PDLIM3: variants seen among roughly 807,000 people sequenced by gnomAD.
PDLIM3 encodes the protein PDZ and LIM domain protein 3.
PDLIM3 carries 36 observed loss-of-function variants against 37.3 expected under a neutral mutation model. The ratio of observed to expected loss-of-function variants is 0.97; its 90% confidence interval spans 0.74 to 1.28. The LOEUF (loss-of-function observed/expected upper bound fraction) is 1.28, where lower values mean the gene tolerates loss of function less well. PDLIM3 is among the 50% of genes most tolerant of loss of function. The probability of loss-of-function intolerance (pLI) is 0.00; values close to 1 mark genes in which losing one functional copy is unlikely to be tolerated. For synonymous variants in PDLIM3, 174 were observed against 182.4 expected, an observed-to-expected ratio of 0.95 and a Z score of 0.37; for missense variants, 454 against 485.0, an observed-to-expected ratio of 0.94 and a Z score of 0.60.
rs959158371 is a variant in PDLIM3 at position 185,514,835 on chromosome 4, G to C, written c.331-498C>G. Reference sequence around the variant, plus strand: ...CTGTCTTTTGTCATCAATGTTTGCAGCTGCAACAAAAGGCTGGGCCCTTCT... The same window carrying C: ...CTGTCTTTTGTCATCAATGTTTGCACCTGCAACAAAAGGCTGGGCCCTTCT... On this transcript the variant is annotated intron_variant, in intron 3 of 7. Coordinates refer to ENST00000284767, the MANE Select transcript of PDLIM3 (RefSeq NM_014476.6). This position sits in a 1 kb window ranked among gnomAD's most constrained non-coding sequence, Gnocchi z 4.0. 5 of 1,551,592 alleles carry C rather than the reference G, an allele frequency of 3.2e-6. No homozygotes were observed. In the African/African-American group the frequency reaches 5.5e-5, roughly 17 times the overall value.
intron 2 of PDLIM3, 42 bp from the exon 3 acceptor site, chr4:185,523,488 T>TA (rs1215153380): frequency 1.6e-6 from 2 of 1,231,140 alleles, no homozygotes; most frequent in African/African-American, 3.0e-5. Context: ...ATTCTAATGG[T>TA]ACTTTCAGTT....
At chr4:185,505,051 C>G (rs574723114) in intron 6 of PDLIM3, among the ~76,000 whole-genome samples, 45 of 152,260 alleles carry the variant, frequency 3.0e-4, no homozygotes, top group Non-Finnish European at 5.6e-4. Flanking sequence ...CTGCTCATAG[C>G]CCCTGGTAAC....
At chr4:185,518,425 A>C (rs1204990641) in intron 3 of PDLIM3, among the ~76,000 whole-genome samples, 2 of 151,998 alleles carry the variant, frequency 1.3e-5, no homozygotes, top group Non-Finnish European at 2.9e-5. Context: ...TGATTCATAG[A>C]TATACACACA....
At chr4:185,508,642 C>G in intron 4 of PDLIM3, 80 bp from the exon 5 acceptor site, 2 of 1,440,686 alleles carry the variant, frequency 1.4e-6, no homozygotes, top group East Asian at 2.3e-5. Flanking sequence ...AGAACACGTA[C>G]AGAGAGGTTA....
At chr4:185,519,688 C>A (rs1466761097) in intron 3 of PDLIM3, among the ~76,000 whole-genome samples, 7 of 152,022 alleles carry the variant, frequency 4.6e-5, no homozygotes, top group African/African-American at 1.7e-4. Flanking sequence ...GGAAAAAAAC[C>A]CCCAGAAATA....
intron 1 of PDLIM3, among the ~76,000 whole-genome samples, chr4:185,530,922 G>C (rs28546452): frequency 0.016 from 2,397 of 151,340 alleles, 61 homozygotes; most frequent in African/African-American, 0.056. Flanking sequence ...AGAGCGCTGT[G>C]CCCAAGTTAT....
chr4:185,529,333 C>G (rs1458702414), intron 1 of PDLIM3, among the ~76,000 whole-genome samples: 1 of 152,118 alleles, frequency 6.6e-6, no homozygotes, highest in Non-Finnish European at 1.5e-5. Context: ...GAAAAAAAAG[C>G]TAACTGAAAA....
chr4:185,503,247 A>AC (rs2095690510), intron 7 of PDLIM3, among the ~76,000 whole-genome samples: 1 of 147,614 alleles, frequency 6.8e-6, no homozygotes, highest in Non-Finnish European at 1.5e-5. Flanking sequence ...AATAACAACA[A>AC]AAACAAAACA....
At chr4:185,508,243 T>C in intron 5 of PDLIM3, 56 bp downstream of exon 5, 1 of 1,543,754 alleles carries the variant, frequency 6.5e-7, no homozygotes, top group Non-Finnish European at 9.0e-7. Flanking sequence ...CCAGTAAAGC[T>C]GACATTGCCC....
rs774383499 is a variant in PDLIM3, at chr4:185,502,466, G to C, written c.923C>G (p.Ala308Gly). 6.2e-7 allele frequency: 1 copy of C among 1,614,080 alleles called. No homozygotes were observed. Among genetic ancestry groups the C allele is most frequent in the Admixed American group, 1.7e-5 (1 of 60,010 alleles). ...CTCAGGGTGCCGGTACTTATCCCGC[G>C]CCTTCACCACAGCACCGCTGTTGGG... The part of the protein sequence containing the change: ...GSGIVGAVVK[A>G]RDKYRHPECF... Residue 308 changes from alanine (A) to glycine (G), a missense_variant, in exon 8 of 8, where the codon GCG becomes GGG. Coordinates refer to ENST00000284767, the MANE Select transcript of PDLIM3 (RefSeq NM_014476.6).
Position 185,519,282 on chromosome 4 carries a change from AATTATT to A in PDLIM3, c.330+4074_330+4079del, listed in dbSNP as rs377756428. Reference sequence around the variant, plus strand: ...TAGCTATTTGATGATAGCATGGAAAAATTATTATTATTATTATTTGTGAGACGGAGT... The same window carrying A: ...TAGCTATTTGATGATAGCATGGAAAAATTATTATTATTTGTGAGACGGAGT... On this transcript the variant is annotated intron_variant, in intron 3 of 7. Coordinates refer to ENST00000284767, the MANE Select transcript of PDLIM3 (RefSeq NM_014476.6). Among the ~76,000 whole-genome samples the A allele has an allele frequency of 7.2e-5, 11 of 152,066 alleles. No individual in the cohort carries two copies. In the East Asian group the frequency reaches 7.7e-4, roughly 11 times the overall value.
rs1580228246 is a variant in PDLIM3 at position 185,501,972 on chromosome 4, A to G, written c.*322T>C. On this transcript the variant is annotated 3_prime_UTR_variant, in exon 8 of 8. Coordinates refer to ENST00000284767, the MANE Select transcript of PDLIM3 (RefSeq NM_014476.6). Reference sequence around the variant, plus strand: ...AAGGAAAGACAATTAGAGTCCTTCAAATATCTTGATGTTTATGTGTTTGAT... The same window carrying G: ...AAGGAAAGACAATTAGAGTCCTTCAGATATCTTGATGTTTATGTGTTTGAT... 1 of 385,368 alleles carries G rather than the reference A, an allele frequency of 2.6e-6. No homozygotes were observed. Among genetic ancestry groups the G allele is most frequent in the South Asian group, 2.4e-5 (1 of 41,528 alleles). The allele number at this position is 385,368 out of a possible 1,614,324, so 23.9% of individuals were successfully genotyped here.
intron 3 of PDLIM3, among the ~76,000 whole-genome samples, chr4:185,518,637 T>C (rs568611683): frequency 6.6e-6 from 1 of 152,242 alleles, no homozygotes; most frequent in South Asian, 2.1e-4. Context: ...TACTCACCCC[T>C]CAAATAAACA....
chr4:185,514,630 G>C lies in PDLIM3; in HGVS notation c.331-293C>G. ...AGTAAAAATAAAACAGCAAGAGCTG[G>C]ACTTTTGAAAAGAAAAGAAACCATG... On this transcript the variant is annotated intron_variant, in intron 3 of 7. Transcript: ENST00000284767. This position sits in a 1 kb window ranked among gnomAD's most constrained non-coding sequence, Gnocchi z 4.0. 7.1e-7 allele frequency: 1 copy of C among 1,409,774 alleles called. No homozygotes were observed. The highest frequency in any genetic ancestry group is 9.5e-7 in the Non-Finnish European group (1 of 1,051,362). The allele number at this position is 1,409,774 out of a possible 1,614,324, so 87.3% of individuals were successfully genotyped here.
At position 185,520,752 on chromosome 4, in the gene PDLIM3, G is replaced by T. The variant is rs1414673636; in HGVS notation, c.330+2610C>A. On this transcript the variant is annotated intron_variant, in intron 3 of 7. Transcript: ENST00000284767. ...CTCACTTTGTGCTTAGTAAATACTT[G>T]CTGAATTACTTACATGCTGGGGTGA... Among the ~76,000 whole-genome samples the T allele has an allele frequency of 3.0e-5, 2 of 65,658 alleles. 1 individual carries two copies. The highest frequency in any genetic ancestry group is 1.3e-4 in the Non-Finnish European group (2 of 15,990). 43.1% of individuals were successfully genotyped at this position (65,658 alleles called of 152,430 possible). A position where few individuals can be genotyped will look rare whatever the true frequency, so the allele number is the denominator to read the frequency against.
intron 4 of PDLIM3, among the ~76,000 whole-genome samples, chr4:185,509,157 T>G (rs2095702732): frequency 6.6e-6 from 1 of 152,242 alleles, no homozygotes; most frequent in African/African-American, 2.4e-5. Flanking sequence ...CAGATTATGT[T>G]TTAAGGCTAT....
At chr4:185,523,770 C>G (rs922634036) in intron 2 of PDLIM3, among the ~76,000 whole-genome samples, 1 of 151,782 alleles carries the variant, frequency 6.6e-6, no homozygotes, top group Non-Finnish European at 1.5e-5. Flanking sequence ...AGGTGCCCAC[C>G]ACCATGCCTG....
rs751623400 is a variant in PDLIM3, at chr4:185,504,504, C to T, written c.876G>A (p.Pro292=). The change falls in exon 7 of 8, where the codon CCG becomes CCA. Residue 292 remains proline, a synonymous_variant. Coordinates refer to ENST00000284767, the MANE Select transcript of PDLIM3 (RefSeq NM_014476.6). The surrounding 1 kb of genome is among the most constrained non-coding windows in gnomAD (Gnocchi z 4.7). ...TGCCACTCCCACATTTGTCACAGAG[C>T]GGCATCCTCTGTGCCCCGCCTGAAC... ...HGGSGGAQRM[P]LCDKCGSGIV... 7 of 1,613,640 alleles carry T rather than the reference C, an allele frequency of 4.3e-6. No homozygotes were observed. Among genetic ancestry groups the T allele is most frequent in the Admixed American group, 3.3e-5 (2 of 60,026 alleles).
At chr4:185,509,098 G>A (rs970726901) in intron 4 of PDLIM3, among the ~76,000 whole-genome samples, 2 of 152,100 alleles carry the variant, frequency 1.3e-5, no homozygotes, top group Admixed American at 6.5e-5. Context: ...TCAGTAATAC[G>A]GTTGAACTTT....
Sources: gnomAD v4.1 joint callset for allele counts (sites outside exome capture counted in the v4.1 genomes callset) on GRCh38, gnomAD v4.1.1 for gene constraint, Gnocchi (gnomAD v3.1) non-coding constraint, MANE v1.5 for transcripts, NCBI Gene and HGNC (gene_info 2026-07-23, HGNC 2026-07-21) for gene names.